The following GARRE1 variants were observed in gnomAD, a reference collection of about 807,000 sequenced individuals.
The protein encoded by GARRE1 is granule associated Rac and RHOG effector protein 1.
GARRE1 carries 49 observed loss-of-function variants against 103.2 expected under a neutral mutation model. The ratio of observed to expected loss-of-function variants is 0.47; its 90% confidence interval spans 0.38 to 0.60. The LOEUF is 0.60. GARRE1 is among the 20% of genes least tolerant of loss of function. The pLI is 0.00. For synonymous variants in GARRE1, 505 were observed against 532.8 expected, an observed-to-expected ratio of 0.95 and a Z score of 0.72; for missense variants, 1,199 against 1,370.5, an observed-to-expected ratio of 0.87 and a Z score of 1.98.
intron 7 of GARRE1, among the ~76,000 whole-genome samples, chr19:34,333,034 T>G (rs1235938893): frequency 6.6e-6 from 1 of 152,124 alleles, no homozygotes; most frequent in Non-Finnish European, 1.5e-5. Flanking sequence ...TCTGAAGCAT[T>G]GGTTTGACTT....
At chr19:34,255,276 C>T (rs1167442200) in intron 1 of GARRE1, among the ~76,000 whole-genome samples, 1 of 152,232 alleles carries the variant, frequency 6.6e-6, no homozygotes, top group African/African-American at 2.4e-5. Flanking sequence ...TCTTTCTGCG[C>T]CGCGCGGTGC....
chr19:34,308,108 A>G (rs528492354), intron 2 of GARRE1, among the ~76,000 whole-genome samples: 6 of 152,126 alleles, frequency 3.9e-5, no homozygotes, highest in African/African-American at 1.4e-4. Flanking sequence ...TAATTCAGGT[A>G]TATTAACATT....
chr19:34,256,379 GC>G (rs1408007195), intron 1 of GARRE1, among the ~76,000 whole-genome samples: 18 of 151,792 alleles, frequency 1.2e-4, no homozygotes, highest in Non-Finnish European at 1.3e-4. Flanking sequence ...CATTAGCCAA[GC>G]ATGGTGGCGC....
chr19:34,334,668 C>T (rs1328758848), intron 8 of GARRE1, among the ~76,000 whole-genome samples: 1 of 143,234 alleles, frequency 7.0e-6, no homozygotes, highest in Non-Finnish European at 1.5e-5. Flanking sequence ...TATTGCACTC[C>T]AGCCTGGGCA....
chr19:34,303,912 C>T (rs1221714570), intron 2 of GARRE1, among the ~76,000 whole-genome samples: 1 of 152,058 alleles, frequency 6.6e-6, no homozygotes, highest in African/African-American at 2.4e-5. Context: ...CCACCGCTCC[C>T]GGCCTTGTTT....
In GARRE1 at chr19:34,352,990, G is replaced by A. The variant is rs2074248709; in HGVS notation, c.*35G>A. ...AGCCAGCCTGCCTGCCTGCCTGCCTGCCCGCCCAGAGCTGTGGGGATGAGT... is the reference window on the plus strand; with the variant it reads ...AGCCAGCCTGCCTGCCTGCCTGCCTACCCGCCCAGAGCTGTGGGGATGAGT... On this transcript the variant is annotated 3_prime_UTR_variant, in exon 14 of 14. Transcript: ENST00000299505. 2.2e-6 allele frequency: 3 copies of A among 1,337,964 alleles called. No homozygotes were observed. The highest frequency in any genetic ancestry group is 1.6e-5 in the African/African-American group (1 of 60,830). The allele number at this position is 1,337,964 out of a possible 1,614,324, so 82.9% of individuals were successfully genotyped here.
At chr19:34,314,876 A>C (rs2074053058) in intron 2 of GARRE1, among the ~76,000 whole-genome samples, 1 of 152,144 alleles carries the variant, frequency 6.6e-6, no homozygotes, top group Non-Finnish European at 1.5e-5. Context: ...GTCTCTGGGG[A>C]TGCATTTAGG....
intron 1 of GARRE1, among the ~76,000 whole-genome samples, chr19:34,263,269 T>TAGAG (rs1484112654): frequency 2.3e-5 from 3 of 131,810 alleles, no homozygotes; most frequent in South Asian, 2.3e-4. Context: ...GATAGAGAGA[T>TAGAG]AGATAGATAG....
At chr19:34,348,756 T>C (rs1351299449) in intron 11 of GARRE1, 1 of 449,558 alleles carries the variant, frequency 2.2e-6, no homozygotes, top group Non-Finnish European at 4.1e-6. Context: ...TTCTTCCCCA[T>C]GCTCTCCCTC....
At chr19:34,323,640 C>T (rs1568306479) in intron 3 of GARRE1, among the ~76,000 whole-genome samples, 1 of 152,120 alleles carries the variant, frequency 6.6e-6, no homozygotes. Flanking sequence ...AGACCTGCAC[C>T]TTGTTGCCTT....
At chr19:34,279,030 A>G (rs542410437) in intron 1 of GARRE1, among the ~76,000 whole-genome samples, 17 of 152,302 alleles carry the variant, frequency 1.1e-4, no homozygotes, top group African/African-American at 3.8e-4. Flanking sequence ...TTGTTTATCT[A>G]TTCATCTTCC....
At chr19:34,271,565 T>C (rs973174083) in intron 1 of GARRE1, among the ~76,000 whole-genome samples, 1 of 152,070 alleles carries the variant, frequency 6.6e-6, no homozygotes. Flanking sequence ...TGCACTTTCA[T>C]TGAAAGAACT....
chr19:34,263,319 A>T (rs1161811467), intron 1 of GARRE1, among the ~76,000 whole-genome samples: 2 of 151,940 alleles, frequency 1.3e-5, no homozygotes, highest in African/African-American at 2.4e-5. Flanking sequence ...AAATAGGTTT[A>T]TAAGTGCAGA....
chr19:34,314,389 T>G (rs1664905), intron 2 of GARRE1, among the ~76,000 whole-genome samples: 118,001 of 152,030 alleles, frequency 0.78, 46,378 homozygotes, highest in African/African-American at 0.83. Flanking sequence ...GGCTGTTTAG[T>G]AATCGTACAA....
chr19:34,281,495 T>C (rs1030183800), intron 1 of GARRE1, among the ~76,000 whole-genome samples: 4 of 152,206 alleles, frequency 2.6e-5, no homozygotes, highest in African/African-American at 9.7e-5. Flanking sequence ...TTCACCATAT[T>C]GGCCAGGCTG....
chr19:34,328,827 C>T (rs781018319), intron 6 of GARRE1, among the ~76,000 whole-genome samples: 4 of 151,946 alleles, frequency 2.6e-5, no homozygotes, highest in East Asian at 3.9e-4. Flanking sequence ...AGGATGGTGT[C>T]GAACTCCTGA....
chr19:34,327,598 G>A, intron 4 of GARRE1, 37 bp downstream of exon 4: 1 of 1,607,560 alleles, frequency 6.2e-7, no homozygotes, highest in Non-Finnish European at 8.5e-7. Flanking sequence ...ATTTCCACGG[G>A]ATAGAAACAA....
At chr19:34,302,781 G>C (rs373092928) in intron 2 of GARRE1, among the ~76,000 whole-genome samples, 1 of 130,512 alleles carries the variant, frequency 7.7e-6, no homozygotes, top group Non-Finnish European at 1.6e-5. Flanking sequence ...GTCTCTCTCT[G>C]TCGCCCAAGC....
chr19:34,333,966 G>A (rs1398731567), intron 8 of GARRE1, among the ~76,000 whole-genome samples, 165 bp downstream of exon 8: 1 of 152,206 alleles, frequency 6.6e-6, no homozygotes, highest in Non-Finnish European at 1.5e-5. Context: ...CATGTGTCAT[G>A]ATTATTGGTC....
Sources: allele counts gnomAD v4.1 joint callset (sites outside exome capture counted in the v4.1 genomes callset), GRCh38; gene constraint gnomAD v4.1.1; transcripts MANE v1.5; gene names NCBI Gene and HGNC (gene_info 2026-07-23, HGNC 2026-07-21).